The following PDZD2 variants were observed in gnomAD, a reference collection of about 807,000 sequenced individuals.
PDZD2 encodes PDZ domain-containing protein 2.
PDZD2 carries 90 observed loss-of-function variants against 220.7 expected under a neutral mutation model. The ratio of observed to expected loss-of-function variants is 0.41; its 90% CI spans 0.34 to 0.49. PDZD2 has a LOEUF of 0.49. PDZD2 is among the 20% of genes least tolerant of loss of function. PDZD2 has a pLI of 0.28. For synonymous variants in PDZD2, 1,375 were observed against 1,450.5 expected (o/e 0.95, Z 1.18); for missense variants, 3,174 against 3,608.5 (o/e 0.88, Z 3.08).
chr5:31,760,480 G>T (rs1018435906), intron 1 of PDZD2, among the ~76,000 whole-genome samples: 2 of 152,204 alleles, frequency 1.3e-5, no homozygotes, highest in Admixed American at 1.3e-4. Flanking sequence ...TTGGGAGAAA[G>T]TGGGATTCGA....
Position 32,089,367 on chromosome 5 carries a change from A to C in PDZD2, c.5919A>C (p.Ser1973=). 1.2e-6 allele frequency: 2 copies of C among 1,614,106 alleles called. No individual in the cohort carries two copies. The highest frequency in any genetic ancestry group is 1.7e-6 in the Non-Finnish European group (2 of 1,180,026). ...PLATSGPLKP[S]VSDTSIRTFV... The stretch of plus-strand genomic sequence containing the variant: ...CCACCTCTGGGCCACTGAAACCCTC[A>C]GTGTCTGACACGAGCATCAGGACAT... The change falls in exon 20 of 25, where the codon TCA becomes TCC. Residue 1973 remains serine, a synonymous_variant. Coordinates refer to ENST00000438447, the MANE Select transcript of PDZD2 (RefSeq NM_178140.4).
At chr5:32,103,017 AG>A (rs1287548498) in intron 24 of PDZD2, among the ~76,000 whole-genome samples, 6 of 152,254 alleles carry the variant, frequency 3.9e-5, no homozygotes, top group African/African-American at 1.4e-4. Flanking sequence ...GAAGATAGAT[AG>A]AATTTGTAAA....
At chr5:32,012,342 CT>C (rs1333023015) in intron 6 of PDZD2, among the ~76,000 whole-genome samples, 9 of 152,140 alleles carry the variant, frequency 5.9e-5, no homozygotes, top group Non-Finnish European at 1.0e-4. Flanking sequence ...CATAACAGCT[CT>C]TTGTAGAGAG....
chr5:31,843,870 C>T (rs1211464272), intron 2 of PDZD2: 1 of 152,170 alleles, frequency 6.6e-6, no homozygotes, highest in Admixed American at 6.5e-5. Flanking sequence ...GAGGAAGCCA[C>T]GTTTTTCATT....
chr5:32,028,585 G>C (rs551805955), intron 6 of PDZD2, among the ~76,000 whole-genome samples: 3 of 150,424 alleles, frequency 2.0e-5, no homozygotes, highest in African/African-American at 7.3e-5. Flanking sequence ...AAATTTCCTT[G>C]ACTTTTTGTG....
Position 32,108,384 on chromosome 5 carries a change from TTTATG to T in PDZD2, c.*257_*261del, listed in dbSNP as rs372564574. ...TTCGTTCCAGTGCCTGTCCCCTACC[TTTATG>T]TTATGTTTACTGATGGGGATACAAG... is the stretch of plus-strand genomic sequence containing the variant. On this transcript the variant is annotated 3_prime_UTR_variant, in exon 25 of 25. Coordinates refer to ENST00000438447, the MANE Select transcript of PDZD2 (RefSeq NM_178140.4). The T allele has an allele frequency of 8.8e-5, 26 of 294,492 alleles. No individual in the cohort carries two copies. The highest frequency in any genetic ancestry group is 5.0e-4 in the African/African-American group (23 of 46,158). The allele number at this position is 294,492 out of a possible 1,614,324, so 18.2% of individuals were successfully genotyped here.
intron 1 of PDZD2, among the ~76,000 whole-genome samples, chr5:31,775,481 G>C (rs1381984111): frequency 6.6e-6 from 1 of 152,058 alleles, no homozygotes; most frequent in East Asian, 1.9e-4. Flanking sequence ...TTCTATACTT[G>C]TCACTCATTT....
intron 1 of PDZD2, chr5:31,747,619 G>A (rs1169601688): frequency 6.6e-6 from 1 of 152,314 alleles, no homozygotes; most frequent in African/African-American, 2.4e-5. Context: ...TTCACAGTAA[G>A]AGTTCCATGG....
chr5:31,982,684 T>C (rs920701249), intron 2 of PDZD2, among the ~76,000 whole-genome samples: 2 of 152,202 alleles, frequency 1.3e-5, no homozygotes, highest in Non-Finnish European at 2.9e-5. Flanking sequence ...GTGCTGTTGA[T>C]TATTTGCTCC....
At chr5:31,724,357 C>T (rs149139569) in intron 1 of PDZD2, among the ~76,000 whole-genome samples, 1 of 152,044 alleles carries the variant, frequency 6.6e-6, no homozygotes, top group East Asian at 1.9e-4. Flanking sequence ...AATCCCAGCA[C>T]TTTGGGAGGC....
At chr5:32,047,827 G>A (rs1442262348) in intron 7 of PDZD2, among the ~76,000 whole-genome samples, 1 of 152,224 alleles carries the variant, frequency 6.6e-6, no homozygotes, top group East Asian at 1.9e-4. Context: ...CAATACCGTG[G>A]TTGAATCTCA....
intron 1 of PDZD2, among the ~76,000 whole-genome samples, chr5:31,772,345 T>C (rs1369905767): frequency 1.3e-5 from 2 of 152,276 alleles, no homozygotes; most frequent in East Asian, 1.9e-4. Flanking sequence ...AAATAGCCAA[T>C]AGGAATTAGC....
At chr5:31,976,957 C>G (rs1478445825) in intron 2 of PDZD2, among the ~76,000 whole-genome samples, 1 of 151,352 alleles carries the variant, frequency 6.6e-6, no homozygotes, top group Non-Finnish European at 1.5e-5. Context: ...ACCCCATGAT[C>G]CACCCGCCTT....
chr5:31,641,549 T>A (rs1284296094), intron 1 of PDZD2, among the ~76,000 whole-genome samples: 4 of 149,116 alleles, frequency 2.7e-5, no homozygotes, highest in Non-Finnish European at 3.0e-5. Flanking sequence ...TGTGAGATAT[T>A]TTTTTTTTTT....
chr5:31,891,597 G>T (rs1029184926), intron 2 of PDZD2, among the ~76,000 whole-genome samples: 1 of 152,162 alleles, frequency 6.6e-6, no homozygotes, highest in Non-Finnish European at 1.5e-5. Flanking sequence ...TTACAGGCAT[G>T]AGCCACCATG....
At chr5:32,027,417 G>A (rs140631089) in intron 6 of PDZD2, among the ~76,000 whole-genome samples, 50 of 152,332 alleles carry the variant, frequency 3.3e-4, no homozygotes, top group Admixed American at 8.5e-4. Context: ...TGTGTGTTAA[G>A]CCCATTCAAA....
chr5:32,019,720 G>T (rs368947696), intron 6 of PDZD2, among the ~76,000 whole-genome samples: 1 of 152,064 alleles, frequency 6.6e-6, no homozygotes, highest in Admixed American at 6.6e-5. Flanking sequence ...CTTTATTATC[G>T]TTCTTTGGAT....
intron 1 of PDZD2, among the ~76,000 whole-genome samples, chr5:31,766,873 T>G (rs1752054754): frequency 6.6e-6 from 1 of 151,020 alleles, no homozygotes; most frequent in Non-Finnish European, 1.5e-5. Context: ...GCAATTAAAG[T>G]GCCCACCACA....
At chr5:31,661,827 G>A (rs2150112233) in intron 1 of PDZD2, among the ~76,000 whole-genome samples, 1 of 147,060 alleles carries the variant, frequency 6.8e-6, no homozygotes, top group South Asian at 2.2e-4. Flanking sequence ...GATATTCAGG[G>A]GCAAAAAGGT....
Sources: gnomAD v4.1 joint callset for allele counts (sites outside exome capture counted in the v4.1 genomes callset) on GRCh38, gnomAD v4.1.1 for gene constraint, MANE v1.5 for transcripts, NCBI Gene and HGNC (gene_info 2026-07-23, HGNC 2026-07-21) for gene names.